Variants in TARS1 observed in about 807,000 individuals in gnomAD.
TARS1 encodes the protein threonyl-tRNA synthetase 1, also known as threonine--tRNA ligase 1, cytoplasmic.
TARS1 carries 57 observed loss-of-function variants against 97.7 expected under a neutral mutation model. The ratio of observed to expected loss-of-function variants is 0.58; its 90% confidence interval spans 0.47 to 0.73. The LOEUF (loss-of-function observed/expected upper bound fraction) is 0.73. Among genes scored for constraint, TARS1 ranks in the 30% least tolerant of loss-of-function variants. TARS1 has a pLI of 0.00. For missense variants in TARS1, 806 were observed against 888.3 expected, an observed-to-expected ratio of 0.91 and a Z score of 1.18; for synonymous variants, 312 against 293.7, an observed-to-expected ratio of 1.06 and a Z score of -0.64.
chr5:33,467,602 G>T lies in TARS1; in HGVS notation c.2066G>T (p.Arg689Leu). ...AAAATCAGTGGCACTGTTAATATCC[G>T]CACAAGAGACAATAAGGTCCACGGG... ...KEKISGTVNIRTRDNKVHGER... is the reference protein window; with the variant it reads ...KEKISGTVNILTRDNKVHGER... The change falls in exon 19 of 19, where the codon CGC becomes CTC. Residue 689 changes from arginine (R) to leucine (L), a missense_variant. Transcript: ENST00000265112. 1.2e-6 allele frequency: 2 copies of T among 1,613,504 alleles called. No homozygotes were observed. Among genetic ancestry groups the T allele is most frequent in the Non-Finnish European group, 1.7e-6 (2 of 1,179,714 alleles).
chr5:33,467,488 T>C, intron 18 of TARS1, 72 bp from the exon 19 acceptor site: 1 of 1,543,858 alleles, frequency 6.5e-7, no homozygotes, highest in South Asian at 1.3e-5. Flanking sequence ...GATCATTTCT[T>C]TTCAGATGTT....
chr5:33,454,516 G>A (rs1472559940), intron 4 of TARS1, among the ~76,000 whole-genome samples: 2 of 152,204 alleles, frequency 1.3e-5, no homozygotes, highest in Non-Finnish European at 2.9e-5. Flanking sequence ...GTAACAACAT[G>A]TAATTTCTAA....
intron 3 of TARS1, among the ~76,000 whole-genome samples, chr5:33,449,882 C>G (rs1261246184): frequency 6.6e-6 from 1 of 152,156 alleles, no homozygotes; most frequent in Non-Finnish European, 1.5e-5. Flanking sequence ...GCTTGCCAAT[C>G]TTGGTCTTAA....
rs770395787 is a variant in TARS1 at position 33,456,020 on chromosome 5, C to T, written c.712C>T (p.Arg238Trp). 7.4e-6 allele frequency: 12 copies of T among 1,613,226 alleles called. No individual in the cohort carries two copies. The highest frequency in any genetic ancestry group is 2.2e-5 in the South Asian group (2 of 91,020). ...TTTTCAGTACAACAAGTTCAAATGC[C>T]GGATATTGAATGAAAAGGTGAATAC... The part of the protein sequence containing the change: ...AMFKYNKFKC[R>W]ILNEKVNTPT... Residue 238 changes from arginine (R) to tryptophan (W), a missense_variant, in exon 7 of 19, where the codon CGG becomes TGG. Coordinates refer to ENST00000265112, the MANE Select transcript of TARS1 (RefSeq NM_152295.5).
Position 33,454,377 on chromosome 5 carries a change from G to A in TARS1, c.454-568G>A, listed in dbSNP as rs1029240639. 3.3e-5 allele frequency among the ~76,000 whole-genome samples: 5 copies of A among 152,334 alleles called. No individual in the cohort carries two copies. In the East Asian group the frequency reaches 7.7e-4, roughly 23 times the overall value. On this transcript the variant is annotated intron_variant, in intron 4 of 18. Transcript: ENST00000265112. ...AAATCTTGAAAACATTGCTTTGGGT[G>A]TATTCTGACTCATCCCAGTGATTAC...
rs1333381357 is a variant in TARS1, at chr5:33,455,757, T to C, written c.693+53T>C. 8.6e-6 allele frequency: 11 copies of C among 1,281,970 alleles called. No individual in the cohort carries two copies. In the Admixed American group the frequency reaches 2.1e-4, roughly 24 times the overall value. 79.4% of individuals were successfully genotyped at this position (1,281,970 alleles called of 1,614,324 possible). ...CACTGTTAATATCATTTATTCATGT[T>C]AGTTGAAGTGACACCACTGGCGTTC... is the stretch of plus-strand genomic sequence containing the variant. On this transcript the variant is annotated intron_variant, in intron 6 of 18. Transcript: ENST00000265112.
At chr5:33,448,795 C>T in intron 3 of TARS1, 64 bp downstream of exon 3, 1 of 1,235,174 alleles carries the variant, frequency 8.1e-7, no homozygotes, top group South Asian at 1.9e-5. Context: ...CTTTTATTAT[C>T]TTGCCATGTT....
chr5:33,461,586 A>C, intron 13 of TARS1, 81 bp from the exon 14 acceptor site: 1 of 1,347,222 alleles, frequency 7.4e-7, no homozygotes, highest in African/African-American at 1.5e-5. Flanking sequence ...GAAAGTAATT[A>C]CTGTATTTTT....
At chr5:33,444,131 T>C (rs890378037) in intron 1 of TARS1, among the ~76,000 whole-genome samples, 1 of 152,230 alleles carries the variant, frequency 6.6e-6, no homozygotes, top group African/African-American at 2.4e-5. Flanking sequence ...GAAATTATTA[T>C]GCTAACTAAA....
chr5:33,451,294 G>A (rs1387526760), intron 3 of TARS1, among the ~76,000 whole-genome samples: 1 of 152,036 alleles, frequency 6.6e-6, no homozygotes, highest in African/African-American at 2.4e-5. Flanking sequence ...CATAATTAGT[G>A]GTGAATATGA....
At position 33,461,033 on chromosome 5, in the gene TARS1, A is replaced by G. The variant is rs778654096; in HGVS notation, c.1382A>G (p.Asp461Gly). The change falls in exon 12 of 19, where the codon GAT becomes GGT. Residue 461 changes from aspartate to glycine, a missense_variant. Coordinates refer to ENST00000265112, the MANE Select transcript of TARS1 (RefSeq NM_152295.5). ...ACCCGGGTACGAAGATTCCAACAGG[A>G]TGATGCTCACATATTCTGTGCCATG... ...GLTRVRRFQQ[D>G]DAHIFCAMEQ... The G allele has an allele frequency of 1.9e-6, 3 of 1,614,212 alleles. No homozygotes were observed. The highest frequency in any genetic ancestry group is 2.5e-6 in the Non-Finnish European group (3 of 1,180,044).
chr5:33,464,424 C>T (rs1267869519), intron 17 of TARS1, among the ~76,000 whole-genome samples: 4 of 152,106 alleles, frequency 2.6e-5, no homozygotes, highest in Non-Finnish European at 5.9e-5. Flanking sequence ...TCTTGCCTCT[C>T]TACCAAAAAA....
Position 33,445,843 on chromosome 5 carries a change from C to A in TARS1, c.138+439C>A, listed in dbSNP as rs548703742. ...CCCCTCCTTGCCCTTTCCATCTGGA[C>A]CTGCCCTAGGGTTGGCTTCTAAGCC... On this transcript the variant is annotated intron_variant, in intron 2 of 18. Transcript: ENST00000265112. Among the ~76,000 whole-genome samples the A allele has an allele frequency of 3.9e-4, 59 of 152,288 alleles. 1 individual carries two copies. Among genetic ancestry groups the A allele is most frequent in the African/African-American group, 1.3e-3 (53 of 41,566 alleles).
intron 16 of TARS1, among the ~76,000 whole-genome samples, chr5:33,462,818 C>T (rs2111589557): frequency 6.6e-6 from 1 of 152,270 alleles, no homozygotes; most frequent in Non-Finnish European, 1.5e-5. Flanking sequence ...GTGTGTAGAG[C>T]CTTCCATATT....
chr5:33,443,553 C>T (rs995084345), intron 1 of TARS1, among the ~76,000 whole-genome samples: 28 of 146,758 alleles, frequency 1.9e-4, no homozygotes, highest in African/African-American at 6.1e-4. Context: ...AGTGCAGTGG[C>T]GCGATCTCTG....
chr5:33,440,925 C>T (rs936126330), upstream of TARS1: 6 of 729,986 alleles, frequency 8.2e-6, no homozygotes, highest in South Asian at 1.8e-5. Context: ...ATTGGCTGCT[C>T]GTTCCGCCGC....
rs1268563509 is a variant in TARS1 at position 33,455,160 on chromosome 5, A to T, written c.575+94A>T. ...TCTCAGTAAGGGAGGAATGATATAG[A>T]TCTCACTGCTTCTTCATCAGGTATG... On this transcript the variant is annotated intron_variant, in intron 5 of 18. Coordinates refer to ENST00000265112, the MANE Select transcript of TARS1 (RefSeq NM_152295.5). The T allele has an allele frequency of 3.4e-6, 5 of 1,465,562 alleles. No homozygotes were observed. The South Asian group carries it at 6.4e-5, about 19-fold the overall frequency. The allele number at this position is 1,465,562 out of a possible 1,614,324, so 90.8% of individuals were successfully genotyped here.
At chr5:33,462,770 A>G (rs563210868) in intron 16 of TARS1, among the ~76,000 whole-genome samples, 3 of 152,338 alleles carry the variant, frequency 2.0e-5, no homozygotes, top group Non-Finnish European at 2.9e-5. Flanking sequence ...CTGGACCCAC[A>G]GTGCATTTGA....
chr5:33,467,817 C>A lies in TARS1; in HGVS notation c.*109C>A, dbSNP rs1742614130. On this transcript the variant is annotated 3_prime_UTR_variant, in exon 19 of 19. Coordinates refer to ENST00000265112, the MANE Select transcript of TARS1 (RefSeq NM_152295.5). Reference sequence around the variant, plus strand: ...TTATATTGAACTTGGAGGAGTTTGGCAAAGTCTGAATAGGTCAACCTGCAG... The same window carrying A: ...TTATATTGAACTTGGAGGAGTTTGGAAAAGTCTGAATAGGTCAACCTGCAG... 3.1e-6 allele frequency: 4 copies of A among 1,300,684 alleles called. No homozygotes were observed. The South Asian group carries it at 6.3e-5, about 20-fold the overall frequency. 80.6% of individuals were successfully genotyped at this position (1,300,684 alleles called of 1,614,324 possible). A position where few individuals can be genotyped will look rare whatever the true frequency, so the allele number is the denominator to read the frequency against.
Sources: gnomAD v4.1 joint callset for allele counts (sites outside exome capture counted in the v4.1 genomes callset) on GRCh38, gnomAD v4.1.1 for gene constraint, MANE v1.5 for transcripts, NCBI Gene and HGNC (gene_info 2026-07-23, HGNC 2026-07-21) for gene names.